The following TRAF5 variants were observed in gnomAD, a reference collection of about 807,000 sequenced individuals.
TRAF5 encodes TNF receptor associated factor 5.
Under a neutral mutation model 64.5 loss-of-function variants are expected in TRAF5, and 48 were observed. That is an observed-to-expected ratio of 0.74 (90% CI 0.59 to 0.95). The LOEUF (loss-of-function observed/expected upper bound fraction) is 0.95, where lower values mean the gene tolerates loss of function less well. Among genes scored for constraint, TRAF5 ranks in the 40% least tolerant of loss-of-function variants. TRAF5 has a pLI of 0.00. For missense variants in TRAF5, 545 were observed against 662.8 expected, an observed-to-expected ratio of 0.82 and a Z score of 1.95; for synonymous variants, 206 against 240.5, an observed-to-expected ratio of 0.86 and a Z score of 1.33.
At chr1:211,371,903 C>T (rs1454730065) in intron 10 of TRAF5, among the ~76,000 whole-genome samples, 1 of 152,204 alleles carries the variant, frequency 6.6e-6, no homozygotes, top group Non-Finnish European at 1.5e-5. Flanking sequence ...GTCTTCTCTA[C>T]ACTTCAGTGA....
At chr1:211,338,032 A>T (rs1346815833) in intron 1 of TRAF5, among the ~76,000 whole-genome samples, 1 of 152,190 alleles carries the variant, frequency 6.6e-6, no homozygotes, top group Non-Finnish European at 1.5e-5. Flanking sequence ...ATGAGTGCAG[A>T]TAGAAGAGAG....
At position 211,372,683 on chromosome 1, in the gene TRAF5, C is replaced by G; in HGVS notation, c.1655C>G (p.Thr552Ser). 1 of 1,614,122 alleles carries G rather than the reference C, an allele frequency of 6.2e-7. No individual in the cohort carries two copies. Among genetic ancestry groups the G allele is most frequent in the African/African-American group, 1.3e-5 (1 of 75,038 alleles). ...TLFLKVAVDL[T>S]DLEDL ...TTCTTGAAAGTGGCCGTGGACTTAACTGACCTGGAGGATCTCTAGTCACTG... is the reference window on the plus strand; with the variant it reads ...TTCTTGAAAGTGGCCGTGGACTTAAGTGACCTGGAGGATCTCTAGTCACTG... Residue 552 changes from threonine (T) to serine (S), a missense_variant, in exon 11 of 11, where the codon ACT (threonine) becomes AGT (serine). Physicochemically the swap from Thr to Ser is moderately conservative, Grantham distance 58. Transcript: ENST00000261464.
intron 1 of TRAF5, among the ~76,000 whole-genome samples, chr1:211,346,798 A>C (rs1033557627): frequency 2.0e-5 from 3 of 152,224 alleles, no homozygotes; most frequent in African/African-American, 7.2e-5. Context: ...ATCCGTAGAG[A>C]TACGTAAGTA....
chr1:211,369,824 G>A (rs868293006), intron 9 of TRAF5, among the ~76,000 whole-genome samples: 1 of 148,556 alleles, frequency 6.7e-6, no homozygotes, highest in Admixed American at 6.6e-5. Flanking sequence ...CGACGTGTAT[G>A]TGTGTGTGTG....
At chr1:211,349,034 TAAA>T (rs373131975) in intron 1 of TRAF5, among the ~76,000 whole-genome samples, 3 of 84,662 alleles carry the variant, frequency 3.5e-5, no homozygotes, top group Non-Finnish European at 6.4e-5. Context: ...ACTCTGTCTC[TAAA>T]AAAAAAAAAA....
At chr1:211,361,417 C>G (rs924156213) in intron 7 of TRAF5, among the ~76,000 whole-genome samples, 2 of 152,178 alleles carry the variant, frequency 1.3e-5, no homozygotes, top group Non-Finnish European at 2.9e-5. Flanking sequence ...GCTCAGCAAT[C>G]TGGAAACTCT....
At chr1:211,336,911 G>A (rs925881115) in intron 1 of TRAF5, among the ~76,000 whole-genome samples, 1 of 152,246 alleles carries the variant, frequency 6.6e-6, no homozygotes, top group Admixed American at 6.5e-5. Context: ...CGCTCACCTC[G>A]GCCTTCCAAA....
rs749698832 is a variant in TRAF5 at position 211,372,406 on chromosome 1, T to C, written c.1378T>C (p.Ser460Pro). ...GDGSGRGSHL[S>P]LYFVVMRGEF... Reference sequence around the variant, plus strand: ...TGGGTCAGGGAGGGGGTCACACCTGTCCCTATACTTTGTGGTCATGCGAGG... The same window carrying C: ...TGGGTCAGGGAGGGGGTCACACCTGCCCCTATACTTTGTGGTCATGCGAGG... Residue 460 changes from serine to proline, a missense_variant, in exon 11 of 11, where the codon TCC (serine) becomes CCC (proline). Physicochemically the swap from Ser to Pro is moderately conservative, Grantham distance 74. Transcript: ENST00000261464. 6.2e-7 allele frequency: 1 copy of C among 1,614,144 alleles called. No individual in the cohort carries two copies. Among genetic ancestry groups the C allele is most frequent in the Non-Finnish European group, 8.5e-7 (1 of 1,180,016 alleles).
intron 1 of TRAF5, 98 bp from the exon 2 acceptor site, chr1:211,353,141 T>C: frequency 8.5e-7 from 1 of 1,170,794 alleles, no homozygotes; most frequent in Non-Finnish European, 1.3e-6. Context: ...GTGAATGATG[T>C]ACACTAATTA....
chr1:211,362,845 A>G (rs1450153836), intron 7 of TRAF5, among the ~76,000 whole-genome samples: 3 of 152,174 alleles, frequency 2.0e-5, no homozygotes, highest in African/African-American at 7.2e-5. Flanking sequence ...CTGGAGGGAA[A>G]AGTTTGCAAC....
intron 1 of TRAF5, among the ~76,000 whole-genome samples, chr1:211,338,356 A>G (rs922967334): frequency 2.6e-5 from 4 of 152,312 alleles, no homozygotes; most frequent in Non-Finnish European, 4.4e-5. Context: ...AGCTGCTGCT[A>G]TAGTTTTGTG....
rs1423565268 is a variant in TRAF5, at chr1:211,373,043, AGG to A, written c.*342_*343del. 3 of 174,874 alleles carry A rather than the reference AGG, an allele frequency of 1.7e-5. No homozygotes were observed. The highest frequency in any genetic ancestry group is 3.6e-5 in the Non-Finnish European group (3 of 82,880). The allele number at this position is 174,874 out of a possible 1,614,324, so 10.8% of individuals were successfully genotyped here. On this transcript the variant is annotated 3_prime_UTR_variant, in exon 11 of 11. Transcript: ENST00000261464. ...ATATTGAGTGTTATGGAGGACACAG[AGG>A]TAGCAGAATCCCAGTTGAAAATGTT...
At position 211,333,197 on chromosome 1, in the gene TRAF5, T is replaced by C. The variant is rs1358546645; in HGVS notation, c.-2+6308T>C. 2.0e-5 allele frequency among the ~76,000 whole-genome samples: 3 copies of C among 152,304 alleles called. No individual in the cohort carries two copies. In the East Asian group the frequency reaches 5.8e-4, roughly 29 times the overall value. On this transcript the variant is annotated intron_variant, in intron 1 of 10. Coordinates refer to ENST00000261464, the MANE Select transcript of TRAF5 (RefSeq NM_001033910.3). ...CTTTTTTTTGTTTTGTTTTGTTTTG[T>C]TTTATTTTTGAGACGGAGTCTTGCT... is the stretch of plus-strand genomic sequence containing the variant.
chr1:211,339,865 C>A (rs1702401096), intron 1 of TRAF5, among the ~76,000 whole-genome samples: 1 of 152,196 alleles, frequency 6.6e-6, no homozygotes, highest in Non-Finnish European at 1.5e-5. Flanking sequence ...CAGCCACAGT[C>A]CTCCCAGCTC....
intron 1 of TRAF5, among the ~76,000 whole-genome samples, chr1:211,350,203 T>A (rs79014073): frequency 6.8e-6 from 1 of 146,364 alleles, no homozygotes; most frequent in African/African-American, 2.6e-5. Flanking sequence ...ACCCCAGGCT[T>A]TTTTTTTTTT....
chr1:211,330,279 G>A (rs1221122860), intron 1 of TRAF5, among the ~76,000 whole-genome samples: 1 of 151,904 alleles, frequency 6.6e-6, no homozygotes, highest in East Asian at 1.9e-4. Context: ...CTTACTTTCA[G>A]CAGAGCCCCA....
intron 1 of TRAF5, among the ~76,000 whole-genome samples, chr1:211,351,892 T>G (rs1702795602): frequency 6.6e-6 from 1 of 152,118 alleles, no homozygotes; most frequent in Non-Finnish European, 1.5e-5. Flanking sequence ...TGAAGTTGAG[T>G]AGTGTTAGTC....
Position 211,372,761 on chromosome 1 carries a change from T to C in TRAF5, c.*59T>C, listed in dbSNP as rs1479855240. On this transcript the variant is annotated 3_prime_UTR_variant, in exon 11 of 11. Coordinates refer to ENST00000261464, the MANE Select transcript of TRAF5 (RefSeq NM_001033910.3). ...GGCCAGAACTGTGGAGGAGAGCACA[T>C]TTGATTATCATATTGACCTGGATTT... 2 of 1,441,096 alleles carry C rather than the reference T, an allele frequency of 1.4e-6. No individual in the cohort carries two copies. The highest frequency in any genetic ancestry group is 1.9e-6 in the Non-Finnish European group (2 of 1,043,192). 89.3% of individuals were successfully genotyped at this position (1,441,096 alleles called of 1,614,324 possible). A position where few individuals can be genotyped will look rare whatever the true frequency, so the allele number is the denominator to read the frequency against.
chr1:211,356,629 GC>G, intron 4 of TRAF5, 161 bp downstream of exon 4: 1 of 613,064 alleles, frequency 1.6e-6, no homozygotes, highest in Non-Finnish European at 2.9e-6. Context: ...CAGTGCTGTA[GC>G]CCACCTACGG....
Sources: gnomAD v4.1 joint callset for allele counts (sites outside exome capture counted in the v4.1 genomes callset) on GRCh38, gnomAD v4.1.1 for gene constraint, MANE v1.5 for transcripts, NCBI Gene and HGNC (gene_info 2026-07-23, HGNC 2026-07-21) for gene names.